TM2D2: variants seen among roughly 807,000 people sequenced by gnomAD.
TM2D2 encodes the protein TM2 domain containing 2.
A neutral mutation model predicts 23.0 loss-of-function variants in TM2D2; 19 were observed. The observed-to-expected ratio is 0.82, with a 90% confidence interval of 0.58 to 1.21. The LOEUF (loss-of-function observed/expected upper bound fraction) is 1.21. Ranked by LOEUF, TM2D2 falls within the 50% of genes most tolerant of loss-of-function variation. The probability of loss-of-function intolerance (pLI) is 0.00; values close to 1 mark genes in which losing one functional copy is unlikely to be tolerated. For missense variants in TM2D2, 246 were observed against 265.4 expected (o/e 0.93, Z 0.51); for synonymous variants, 120 against 108.8 (o/e 1.10, Z -0.64).
chr8:38,993,604 T>C lies in TM2D2; in HGVS notation c.372A>G (p.Leu124=). ...VEHTSVQCHA[L]DGIECASPRT... The stretch of plus-strand genomic sequence containing the variant: ...TAGGACTGGCACACTCAATTCCATC[T>C]AAGGCATGGCACTGGACTGAAGTGT... The change falls in exon 3 of 4, where the codon TTA becomes TTG. Residue 124 remains leucine, a synonymous_variant. Transcript: ENST00000456397. 6.2e-7 allele frequency: 1 copy of C among 1,614,062 alleles called. No homozygotes were observed. The highest frequency in any genetic ancestry group is 8.5e-7 in the Non-Finnish European group (1 of 1,179,908).
chr8:38,991,449 T>C lies in TM2D2; in HGVS notation c.528A>G (p.Ala176=), dbSNP rs1015426094. The change falls in exon 4 of 4, where the codon GCA becomes GCG. Residue 176 remains alanine (A), a synonymous_variant. Coordinates refer to ENST00000456397, the MANE Select transcript of TM2D2 (RefSeq NM_078473.3). ...CTCCAAGCGTCAACAGCTTCCCTAC[T>C]GCAGTGCCAGTGTGTCCCAAACAGA... ...DRFCLGHTGT[A]VGKLLTLGGL... 19 of 1,613,964 alleles carry C rather than the reference T, an allele frequency of 1.2e-5. No individual in the cohort carries two copies. The highest frequency in any genetic ancestry group is 1.6e-5 in the Non-Finnish European group (19 of 1,180,008).
rs1181301305 is a variant in TM2D2 at position 38,991,105 on chromosome 8, G to A, written c.*227C>T. ...CTTTATGTTTTGTGCATGAGGAAAGGAACAAATTTGATTCCCCACAACACT... is the reference window on the plus strand; with the variant it reads ...CTTTATGTTTTGTGCATGAGGAAAGAAACAAATTTGATTCCCCACAACACT... On this transcript the variant is annotated 3_prime_UTR_variant, in exon 4 of 4. Coordinates refer to ENST00000456397, the MANE Select transcript of TM2D2 (RefSeq NM_078473.3). The A allele has an allele frequency of 1.7e-6, 1 of 578,662 alleles. No individual in the cohort carries two copies. Among genetic ancestry groups the A allele is most frequent in the East Asian group, 2.9e-5 (1 of 34,362 alleles). 35.8% of individuals were successfully genotyped at this position (578,662 alleles called of 1,614,324 possible). A position where few individuals can be genotyped will look rare whatever the true frequency, so the allele number is the denominator to read the frequency against.
upstream of TM2D2, chr8:38,996,677 C>G (rs1431709065): frequency 4.2e-6 from 6 of 1,426,492 alleles, no homozygotes; most frequent in African/African-American, 8.6e-5. Context: ...TCTTCTGGGT[C>G]TCATGCTCCT....
chr8:38,996,469 C>G lies in TM2D2; in HGVS notation c.-30G>C, dbSNP rs1235033640. The G allele has an allele frequency of 6.2e-7, 1 of 1,612,860 alleles. No individual in the cohort carries two copies. Among genetic ancestry groups the G allele is most frequent in the Non-Finnish European group, 8.5e-7 (1 of 1,179,348 alleles). On this transcript the variant is annotated 5_prime_UTR_variant, in exon 1 of 4. Coordinates refer to ENST00000456397, the MANE Select transcript of TM2D2 (RefSeq NM_078473.3). ...CCGGGCACAGGAGCGGAGACCCGGCCTCAACCACAACCCCAGGCCAGCAGC... is the reference window on the plus strand; with the variant it reads ...CCGGGCACAGGAGCGGAGACCCGGCGTCAACCACAACCCCAGGCCAGCAGC...
At chr8:38,994,900 A>G (rs533209513) in intron 2 of TM2D2, among the ~76,000 whole-genome samples, 1 of 152,224 alleles carries the variant, frequency 6.6e-6, no homozygotes, top group Non-Finnish European at 1.5e-5. Flanking sequence ...CCTGGAGAAA[A>G]GAAATGTCAT....
intron 3 of TM2D2, 101 bp downstream of exon 3, chr8:38,993,444 A>G: frequency 2.5e-6 from 2 of 795,572 alleles, no homozygotes; most frequent in Non-Finnish European, 3.8e-6. Context: ...TAACAGAGTG[A>G]GACCCTGTCT....
Position 38,991,135 on chromosome 8 carries a change from G to C in TM2D2, c.*197C>G. 1 of 599,658 alleles carries C rather than the reference G, an allele frequency of 1.7e-6. No individual in the cohort carries two copies. The highest frequency in any genetic ancestry group is 2.9e-6 in the Non-Finnish European group (1 of 339,182). 37.1% of individuals were successfully genotyped at this position (599,658 alleles called of 1,614,324 possible). ...AATTTGATTCCCCACAACACTTTTT[G>C]CTTGTCATTCCGTCTGCAAGGTAAA... On this transcript the variant is annotated 3_prime_UTR_variant, in exon 4 of 4. Coordinates refer to ENST00000456397, the MANE Select transcript of TM2D2 (RefSeq NM_078473.3).
chr8:38,993,751 G>C, intron 2 of TM2D2, 91 bp from the exon 3 acceptor site: 1 of 926,400 alleles, frequency 1.1e-6, no homozygotes, highest in Non-Finnish European at 1.7e-6. Flanking sequence ...GAATGAAAGC[G>C]GCCTCAGGAC....
At position 38,996,319 on chromosome 8, in the gene TM2D2, C is replaced by G. The variant is rs538827613; in HGVS notation, c.121G>C (p.Glu41Gln). 4.3e-6 allele frequency: 7 copies of G among 1,614,166 alleles called. No individual in the cohort carries two copies. Among genetic ancestry groups the G allele is most frequent in the South Asian group, 3.3e-5 (3 of 91,090 alleles). ...GCGCCAGCGGATGTGAGCTCAGGCT[C>G]AGCGGTCGCATTTTGCGAGTGGCTC... ...SRSHSQNATA[E>Q]PELTSAGAAQ... Residue 41 changes from glutamate to glutamine, a missense_variant, in exon 1 of 4, where the codon GAG becomes CAG. Glu to Gln is a conservative substitution (Grantham distance 29). Around this residue, in one of 2 missense-constraint regions of TM2D2, gnomAD observed 212 missense variants for 202.2 expected, o/e 1.05. Coordinates refer to ENST00000456397, the MANE Select transcript of TM2D2 (RefSeq NM_078473.3).
intron 1 of TM2D2, 41 bp downstream of exon 1, chr8:38,996,172 A>G (rs745999755): frequency 2.5e-6 from 4 of 1,591,342 alleles, no homozygotes; most frequent in Non-Finnish European, 3.4e-6. Context: ...TATTCCTGGC[A>G]CACCCTCCAC....
intron 2 of TM2D2, among the ~76,000 whole-genome samples, chr8:38,994,363 T>A (rs1483988845): frequency 2.0e-5 from 3 of 152,182 alleles, no homozygotes; most frequent in African/African-American, 7.2e-5. Flanking sequence ...GGCGAGTTCC[T>A]CAAAGGGAAG....
At chr8:38,995,714 A>G in intron 1 of TM2D2, 1 of 1,307,974 alleles carries the variant, frequency 7.6e-7, no homozygotes, top group Non-Finnish European at 9.7e-7. Context: ...AATTTAAGCC[A>G]AAGTATTCTC....
At chr8:38,996,636 A>C (rs1160746672), upstream of TM2D2, 2 of 1,432,858 alleles carry the variant, frequency 1.4e-6, no homozygotes, top group East Asian at 2.5e-5. Flanking sequence ...GGGCGGGGCT[A>C]CTCCGCCCTC....
Position 38,993,530 on chromosome 8 carries a change from CA to C in TM2D2, c.431+14del. ...CCAACCAAGTACCAACTACTCCAAT[CA>C]AAGTAACACTTACTTTATACAAGGT... On this transcript the variant is annotated intron_variant, in intron 3 of 3. Coordinates refer to ENST00000456397, the MANE Select transcript of TM2D2 (RefSeq NM_078473.3). 1 of 1,567,640 alleles carries C rather than the reference CA, an allele frequency of 6.4e-7. No homozygotes were observed. Among genetic ancestry groups the C allele is most frequent in the Non-Finnish European group, 8.8e-7 (1 of 1,139,414 alleles).
Position 38,991,273 on chromosome 8 carries a change from A to G in TM2D2, c.*59T>C. 1 of 1,371,604 alleles carries G rather than the reference A, an allele frequency of 7.3e-7. No individual in the cohort carries two copies. The highest frequency in any genetic ancestry group is 1.4e-5 in the African/African-American group (1 of 69,554). The allele number at this position is 1,371,604 out of a possible 1,614,324, so 85.0% of individuals were successfully genotyped here. A position where few individuals can be genotyped will look rare whatever the true frequency, so the allele number is the denominator to read the frequency against. ...TCAAAGAGGAGTTTTGAGCCTGTAG[A>G]GATGAATTCAGAAGACGGAGCTTTC... On this transcript the variant is annotated 3_prime_UTR_variant, in exon 4 of 4. Transcript: ENST00000456397.
In TM2D2 at chr8:38,993,188, C is replaced by T. The variant is rs557027489; in HGVS notation, c.431+357G>A. Among the ~76,000 whole-genome samples, 20 of 152,260 alleles carry T rather than the reference C, an allele frequency of 1.3e-4. No homozygotes were observed. The South Asian group carries it at 2.1e-3, about 16-fold the overall frequency. Reference sequence around the variant, plus strand: ...AAGAGACAGTTAGAACTTCACCTTCCGGGCTTAAGTCCAGAGTCCTCTCTA... The same window carrying T: ...AAGAGACAGTTAGAACTTCACCTTCTGGGCTTAAGTCCAGAGTCCTCTCTA... On this transcript the variant is annotated intron_variant, in intron 3 of 3. Coordinates refer to ENST00000456397, the MANE Select transcript of TM2D2 (RefSeq NM_078473.3).
intron 3 of TM2D2, among the ~76,000 whole-genome samples, 181 bp downstream of exon 3, chr8:38,993,361 CAGG>C (rs1170994523): frequency 6.6e-6 from 1 of 152,154 alleles, no homozygotes; most frequent in Non-Finnish European, 1.5e-5. Context: ...GAGGCTGAGG[CAGG>C]AGGATTGCTT....
Position 38,991,355 on chromosome 8 carries a change from T to G in TM2D2, c.622A>C (p.Ser208Arg). 6.2e-7 allele frequency: 1 copy of G among 1,614,134 alleles called. No individual in the cohort carries two copies. The highest frequency in any genetic ancestry group is 8.5e-7 in the Non-Finnish European group (1 of 1,180,012). The change falls in exon 4 of 4, where the codon AGC becomes CGC. Residue 208 changes from serine to arginine, a missense_variant. This residue lies in a region of TM2D2 where 34 missense variants were observed against 63.2 expected (regional missense o/e 0.54). Coordinates refer to ENST00000456397, the MANE Select transcript of TM2D2 (RefSeq NM_078473.3). ...ITGGLMPSDG[S>R]NWCTVY ...TCTTAGTAAACAGTGCACCAGTTGC[T>G]GCCATCACTTGGCATCAGCCCTCCA...
chr8:38,993,432 G>A (rs1452268230), intron 3 of TM2D2, 113 bp downstream of exon 3: 3 of 693,094 alleles, frequency 4.3e-6, no homozygotes, highest in Non-Finnish European at 6.8e-6. Flanking sequence ...CTCCAGCCTG[G>A]GTAACAGAGT....
Sources: allele counts gnomAD v4.1 joint callset (sites outside exome capture counted in the v4.1 genomes callset), GRCh38; gene constraint gnomAD v4.1.1; regional missense constraint gnomAD v4.1.1; transcripts MANE v1.5; gene names NCBI Gene and HGNC (gene_info 2026-07-23, HGNC 2026-07-21).